PODNL1: variants seen among roughly 807,000 people sequenced by gnomAD.
PODNL1 encodes podocan-like protein 1.
Under a neutral mutation model 45.1 loss-of-function variants are expected in PODNL1, and 50 were observed. The ratio of observed to expected loss-of-function variants is 1.11; its 90% CI spans 0.88 to 1.40. PODNL1 has a LOEUF of 1.40. PODNL1 is among the 40% of genes most tolerant of loss of function. The probability of loss-of-function intolerance (pLI) is 0.00; values close to 1 mark genes in which losing one functional copy is unlikely to be tolerated. For missense variants in PODNL1, 788 were observed against 793.3 expected, an observed-to-expected ratio of 0.99 and a Z score of 0.08; for synonymous variants, 406 against 372.5, an observed-to-expected ratio of 1.09 and a Z score of -1.04.
At position 13,938,306 on chromosome 19, in the gene PODNL1, C is replaced by A; in HGVS notation, c.-125G>T. ...GCCCCCCATCTCCAGACCCATGCCA[C>A]CCCCCACAACAGCCTGTTCTCCCGG... On this transcript the variant is annotated 5_prime_UTR_variant, in exon 1 of 10. Transcript: ENST00000588872. 1.4e-6 allele frequency: 2 copies of A among 1,452,138 alleles called. No homozygotes were observed. Among genetic ancestry groups the A allele is most frequent in the Admixed American group, 2.6e-5 (1 of 38,296 alleles). The allele number at this position is 1,452,138 out of a possible 1,614,324, so 90.0% of individuals were successfully genotyped here.
Position 13,933,847 on chromosome 19 carries a change from C to T in PODNL1, c.767+31G>A. 1.9e-6 allele frequency: 3 copies of T among 1,553,350 alleles called. No homozygotes were observed. Among genetic ancestry groups the T allele is most frequent in the Non-Finnish European group, 1.7e-6 (2 of 1,144,522 alleles). On this transcript the variant is annotated intron_variant, in intron 7 of 9. Transcript: ENST00000588872. The surrounding 1 kb of genome is among the most constrained non-coding windows in gnomAD (Gnocchi z 5.2). ...GTTGGGACCCCCGACTGTAAATTCT[C>T]AGCCCCTGCTGCCCCCCAACCAGCC... is the stretch of plus-strand genomic sequence containing the variant.
Position 13,934,528 on chromosome 19 carries a change from C to T in PODNL1, c.495-118G>A, listed in dbSNP as rs532298972. 5.0e-3 allele frequency: 3,219 copies of T among 639,998 alleles called. 1 individual carries two copies. The highest frequency in any genetic ancestry group is 9.5e-3 in the African/African-American group (457 of 48,328). The allele number at this position is 639,998 out of a possible 1,614,324, so 39.6% of individuals were successfully genotyped here. ...GTGTGTGTGTGTGTGTGTGTGTGTG[C>T]GCGCGCATGTGTGGAGTCTGTGTGG... is the stretch of plus-strand genomic sequence containing the variant. On this transcript the variant is annotated intron_variant, in intron 5 of 9. Coordinates refer to ENST00000588872, the MANE Select transcript of PODNL1 (RefSeq NM_001370095.3).
chr19:13,932,769 A>G, intron 8 of PODNL1, 29 bp downstream of exon 8: 1 of 1,612,828 alleles, frequency 6.2e-7, no homozygotes, highest in South Asian at 1.1e-5. Flanking sequence ...GGCCCTGGGG[A>G]CAGTGTGGCT....
At position 13,933,285 on chromosome 19, in the gene PODNL1, T is replaced by A; in HGVS notation, c.938A>T (p.His313Leu). ...CAGCCCTGAGCTCCCCAGCTGGTTG[T>A]GCTGCAGCAACAAATAGCGCAGACC... ...ARGLRYLLLQHNQLGSSGLPA... is the reference protein window; with the variant it reads ...ARGLRYLLLQLNQLGSSGLPA... Residue 313 changes from histidine (H) to leucine (L), a missense_variant, in exon 8 of 10, where the codon CAC becomes CTC. By Grantham distance (99) the His-to-Leu change is moderately conservative (BLOSUM62 -3). This residue lies in a region of PODNL1 where 762 missense variants were observed against 750.9 expected (regional missense o/e 1.01). Coordinates refer to ENST00000588872, the MANE Select transcript of PODNL1 (RefSeq NM_001370095.3). The surrounding 1 kb of genome is among the most constrained non-coding windows in gnomAD (Gnocchi z 5.2). 3 of 1,575,808 alleles carry A rather than the reference T, an allele frequency of 1.9e-6. No individual in the cohort carries two copies. The highest frequency in any genetic ancestry group is 1.7e-6 in the Non-Finnish European group (2 of 1,166,022).
chr19:13,937,653 C>T (rs1194863745), intron 2 of PODNL1, 132 bp downstream of exon 2: 5 of 807,748 alleles, frequency 6.2e-6, no homozygotes, highest in Non-Finnish European at 9.7e-6. Flanking sequence ...CCATCACAGC[C>T]TGCTCTGCAC....
rs1971977263 is a variant in PODNL1, at chr19:13,932,025, T to C, written c.1513A>G (p.Ile505Val). Residue 505 changes from isoleucine (I) to valine (V), a missense_variant, in exon 9 of 10, where the codon ATC becomes GTC. Ile to Val is a conservative substitution (Grantham distance 29). This residue lies in a region of PODNL1 where 762 missense variants were observed against 750.9 expected (regional missense o/e 1.01). Coordinates refer to ENST00000588872, the MANE Select transcript of PODNL1 (RefSeq NM_001370095.3). Reference protein sequence around the residue: ...LEELHLEGNRIGHVGPEAFLS... With the variant: ...LEELHLEGNRVGHVGPEAFLS... ...AAGGCCTCGGGGCCCACGTGGCCGA[T>C]GCGGTTGCCCTCGAGGTGCAGCTCC... 1 of 1,232,320 alleles carries C rather than the reference T, an allele frequency of 8.1e-7. No homozygotes were observed. Among genetic ancestry groups the C allele is most frequent in the Non-Finnish European group, 1.0e-6 (1 of 988,092 alleles). The allele number at this position is 1,232,320 out of a possible 1,614,324, so 76.3% of individuals were successfully genotyped here.
chr19:13,938,460 G>A (rs1046244592), upstream of PODNL1: 35 of 1,267,772 alleles, frequency 2.8e-5, no homozygotes, highest in South Asian at 1.2e-4. Context: ...CTCTGCTTTC[G>A]TAACCTCAGC....
rs539533108 is a variant in PODNL1 at position 13,932,016 on chromosome 19, C to T, written c.1522G>A (p.Val508Met). 92 of 1,232,298 alleles carry T rather than the reference C, an allele frequency of 7.5e-5. No individual in the cohort carries two copies. In the African/African-American group the frequency reaches 1.2e-3, roughly 17 times the overall value. 76.3% of individuals were successfully genotyped at this position (1,232,298 alleles called of 1,614,324 possible). ...GTGCTGAGGAAGGCCTCGGGGCCCA[C>T]GTGGCCGATGCGGTTGCCCTCGAGG... ...LHLEGNRIGH[V>M]GPEAFLSTPR... Residue 508 changes from valine to methionine, a missense_variant, in exon 9 of 10, where the codon GTG becomes ATG. Val to Met is a conservative substitution (Grantham distance 21). Around this residue, in one of 3 missense-constraint regions of PODNL1, gnomAD observed 762 missense variants for 750.9 expected, o/e 1.01. Transcript: ENST00000588872.
At chr19:13,938,028 C>T (rs771121691) in intron 1 of PODNL1, 22 bp from the exon 2 acceptor site, 169 of 1,486,248 alleles carry the variant, frequency 1.1e-4, no homozygotes, top group Non-Finnish European at 1.5e-4. Flanking sequence ...GGAGGGTCAG[C>T]GTGTCTCCAG....
Position 13,933,333 on chromosome 19 carries a change from G to A in PODNL1, c.890C>T (p.Ala297Val), listed in dbSNP as rs571493723. ...LGRNRIRQVEAARLHGARGLR... is the reference protein window; with the variant it reads ...LGRNRIRQVEVARLHGARGLR... ...ACCACGCGCCCCGTGCAGCCGAGCC[G>A]CCTCCACCTGCCGGATGCGGTTGCG... Residue 297 changes from alanine to valine, a missense_variant, in exon 8 of 10, where the codon GCG becomes GTG. Transcript: ENST00000588872. This position sits in a 1 kb window ranked among gnomAD's most constrained non-coding sequence, Gnocchi z 5.2. 2.4e-5 allele frequency: 38 copies of A among 1,603,898 alleles called. No homozygotes were observed. Among genetic ancestry groups the A allele is most frequent in the East Asian group, 1.6e-4 (7 of 44,792 alleles).
rs888872774 is a variant in PODNL1, at chr19:13,938,013, G to T, written c.4-7C>A. The T allele has an allele frequency of 6.6e-7, 1 of 1,509,378 alleles. No individual in the cohort carries two copies. The highest frequency in any genetic ancestry group is 8.9e-7 in the Non-Finnish European group (1 of 1,118,496). 93.5% of individuals were successfully genotyped at this position (1,509,378 alleles called of 1,614,324 possible). ...GCAGCAGCAGGCTCGGCCACTGCGG[G>T]GGAGGGAGGGTCAGCGTGTCTCCAG... On this transcript the variant is annotated splice_polypyrimidine_tract_variant and splice_region_variant and intron_variant, in intron 1 of 9. Transcript: ENST00000588872.
chr19:13,932,582 A>G (rs1972021838), intron 8 of PODNL1: 10 of 1,322,872 alleles, frequency 7.6e-6, no homozygotes, highest in East Asian at 2.3e-5. Flanking sequence ...TCTCAAACCC[A>G]TAGCCTAAAG....
chr19:13,952,490 G>A, intron 1 of PODNL1: 2 of 1,248,670 alleles, frequency 1.6e-6, no homozygotes, highest in East Asian at 3.2e-5. Flanking sequence ...CGGTTGCTCC[G>A]GAAGTGGAGG....
At chr19:13,946,684 C>T (rs1469304029) in intron 1 of PODNL1, among the ~76,000 whole-genome samples, 1 of 152,086 alleles carries the variant, frequency 6.6e-6, no homozygotes, top group Non-Finnish European at 1.5e-5. Context: ...CTAAATGCAC[C>T]TGTATAGTTG....
intron 8 of PODNL1, 197 bp from the exon 9 acceptor site, chr19:13,932,309 C>CA (rs1399989061): frequency 1.7e-6 from 1 of 583,306 alleles, no homozygotes; most frequent in African/African-American, 1.9e-5. Flanking sequence ...CACAGACAGA[C>CA]AGGTCCCCAC....
At chr19:13,937,751 C>A (rs1461753527) in intron 2 of PODNL1, 34 bp downstream of exon 2, 1 of 1,544,784 alleles carries the variant, frequency 6.5e-7, no homozygotes, top group Non-Finnish European at 8.8e-7. Context: ...GGGTCTCAGC[C>A]CTGCATGCCC....
intron 1 of PODNL1, among the ~76,000 whole-genome samples, chr19:13,947,811 G>T (rs1324564537): frequency 6.6e-6 from 1 of 152,098 alleles, no homozygotes; most frequent in Non-Finnish European, 1.5e-5. Context: ...CCTTGAAAAT[G>T]ACCCCATCGG....
At position 13,936,102 on chromosome 19, in the gene PODNL1, T is replaced by A. The variant is rs114953254; in HGVS notation, c.320-58A>T. On this transcript the variant is annotated intron_variant, in intron 3 of 9. Transcript: ENST00000588872. Reference sequence around the variant, plus strand: ...AGGCCTGTCTTGGGTGGAGGGGGAGTCTGGGCTCCCAGCTGCCCCAGGACT... The same window carrying A: ...AGGCCTGTCTTGGGTGGAGGGGGAGACTGGGCTCCCAGCTGCCCCAGGACT... The A allele has an allele frequency of 3.6e-3, 4,998 of 1,402,022 alleles. 155 individuals are homozygous for A. The African/African-American group carries it at 0.064, about 18-fold the overall frequency. The allele number at this position is 1,402,022 out of a possible 1,614,324, so 86.8% of individuals were successfully genotyped here.
chr19:13,932,435 C>T (rs1972014314), intron 8 of PODNL1: 3 of 576,906 alleles, frequency 5.2e-6, no homozygotes, highest in Admixed American at 3.5e-5. Flanking sequence ...GATCACGGCT[C>T]ATTGCAGCCT....
Sources: allele counts gnomAD v4.1 joint callset (sites outside exome capture counted in the v4.1 genomes callset), GRCh38; gene constraint gnomAD v4.1.1; regional missense constraint gnomAD v4.1.1; non-coding constraint Gnocchi (gnomAD v3.1); transcripts MANE v1.5; gene names NCBI Gene and HGNC (gene_info 2026-07-23, HGNC 2026-07-21).